The following NAALADL2 variants were observed in gnomAD, a reference collection of about 807,000 sequenced individuals.
NAALADL2 encodes the protein N-acetylated alpha-linked acidic dipeptidase like 2, also known as inactive N-acetylated-alpha-linked acidic dipeptidase-like protein 2.
A neutral mutation model predicts 87.2 loss-of-function variants in NAALADL2; 76 were observed. The ratio of observed to expected loss-of-function variants is 0.87; its 90% CI spans 0.72 to 1.05. NAALADL2 has a LOEUF of 1.05. NAALADL2 is among the 50% of genes least tolerant of loss of function. The pLI, the probability that NAALADL2 is intolerant of heterozygous loss-of-function variation, is 0.00. For missense variants in NAALADL2, 1,089 were observed against 945.8 expected (o/e 1.15, Z -1.99); for synonymous variants, 354 against 331.0 (o/e 1.07, Z -0.75).
intron 2 of NAALADL2, among the ~76,000 whole-genome samples, chr3:175,184,014 C>T (rs1470351712): frequency 6.6e-6 from 1 of 152,044 alleles, no homozygotes; most frequent in Non-Finnish European, 1.5e-5. Context: ...TCTGCCTTCA[C>T]ACTACGTTGC....
rs1745469723 is a variant in NAALADL2, at chr3:175,234,329, G to A, written c.819+125G>A. The A allele has an allele frequency of 9.9e-6, 10 of 1,008,156 alleles. No homozygotes were observed. In the South Asian group the frequency reaches 1.4e-4, roughly 14 times the overall value. 62.5% of individuals were successfully genotyped at this position (1,008,156 alleles called of 1,614,324 possible). On this transcript the variant is annotated intron_variant, in intron 3 of 13. Transcript: ENST00000454872. ...AGTAACCATTAAATCTTTTCAGTGT[G>A]GAAGTGCCAGGAAAGAGAAGGAAGA... is the stretch of plus-strand genomic sequence containing the variant.
At chr3:174,871,678 C>T (rs552599188) in intron 1 of NAALADL2, among the ~76,000 whole-genome samples, 1 of 152,260 alleles carries the variant, frequency 6.6e-6, no homozygotes, top group Non-Finnish European at 1.5e-5. Context: ...GTGGGTGGAT[C>T]ACCTCGGGTC....
At chr3:175,033,717 C>CACTGG (rs752584904) in intron 1 of NAALADL2, among the ~76,000 whole-genome samples, 44 of 152,264 alleles carry the variant, frequency 2.9e-4, no homozygotes, top group Admixed American at 5.2e-4. Context: ...AACCCCTAAA[C>CACTGG]ACTGGAATAT....
At chr3:175,013,443 C>T (rs1264082233) in intron 1 of NAALADL2, among the ~76,000 whole-genome samples, 1 of 148,826 alleles carries the variant, frequency 6.7e-6, no homozygotes, top group African/African-American at 2.5e-5. Context: ...GGATTACAGG[C>T]ATGCACCACC....
At chr3:175,551,837 G>T (rs1714428913) in intron 9 of NAALADL2, among the ~76,000 whole-genome samples, 1 of 150,614 alleles carries the variant, frequency 6.6e-6, no homozygotes. Flanking sequence ...GGCGGAGTTT[G>T]CTGTGAACCT....
chr3:175,379,421 G>C (rs548917536), intron 5 of NAALADL2, among the ~76,000 whole-genome samples: 2 of 151,892 alleles, frequency 1.3e-5, no homozygotes, highest in African/African-American at 4.8e-5. Context: ...AGTGTTTCTG[G>C]GTGGAAAGCT....
intron 1 of NAALADL2, among the ~76,000 whole-genome samples, chr3:175,033,267 A>T (rs1251040783): frequency 1.3e-5 from 2 of 151,938 alleles, no homozygotes; most frequent in African/African-American, 4.8e-5. Flanking sequence ...TTTAGAAAGA[A>T]CTTTTTTGCC....
At chr3:175,595,272 G>A (rs769394572) in intron 10 of NAALADL2, among the ~76,000 whole-genome samples, 1 of 152,002 alleles carries the variant, frequency 6.6e-6, no homozygotes, top group Non-Finnish European at 1.5e-5. Flanking sequence ...TCCATTGCTT[G>A]TTTTTGTTGG....
chr3:175,103,053 G>A (rs564739112), intron 2 of NAALADL2, among the ~76,000 whole-genome samples: 1 of 145,686 alleles, frequency 6.9e-6, no homozygotes, highest in African/African-American at 2.6e-5. Flanking sequence ...AGGTTGCAGT[G>A]AGCCGAGATC....
intron 10 of NAALADL2, chr3:175,609,665 AC>A (rs778762401): frequency 1.4e-4 from 21 of 152,122 alleles, no homozygotes; most frequent in Non-Finnish European, 2.5e-4. Flanking sequence ...TTTATTCTCA[AC>A]CTTTTTTCTT....
At chr3:175,284,915 A>G (rs541768832) in intron 4 of NAALADL2, among the ~76,000 whole-genome samples, 2 of 152,150 alleles carry the variant, frequency 1.3e-5, no homozygotes, top group East Asian at 3.9e-4. Context: ...ATTGTAACAT[A>G]AAGTGCCCAG....
At position 174,501,280 on chromosome 3, in the gene NAALADL2, G is replaced by A. The variant is rs918006839; in HGVS notation, c.-183-49289G>A. ...TTTTTAGTAGAGACGGGGTTTCACC[G>A]TTTTAGCCGGGATGGTCTCGATCTC... is the stretch of plus-strand genomic sequence containing the variant. On this transcript the variant is annotated intron_variant, in intron 1 of 3. Transcript: ENST00000434257. Among the ~76,000 whole-genome samples, 7 of 143,876 alleles carry A rather than the reference G, an allele frequency of 4.9e-5. No homozygotes were observed. The East Asian group carries it at 9.8e-4, about 20-fold the overall frequency. 94.4% of individuals were successfully genotyped at this position (143,876 alleles called of 152,430 possible). A position where few individuals can be genotyped will look rare whatever the true frequency, so the allele number is the denominator to read the frequency against.
intron 2 of NAALADL2, among the ~76,000 whole-genome samples, chr3:175,171,301 A>G (rs141500014): frequency 2.6e-5 from 4 of 152,188 alleles, no homozygotes; most frequent in African/African-American, 9.6e-5. Context: ...AGAGGAAAGT[A>G]AGCAATTGGC....
At position 174,995,987 on chromosome 3, in the gene NAALADL2, A is replaced by T. The variant is rs78582564; in HGVS notation, c.44-100803A>T. ...TAAGGAGAGTCAGGAAATCAGGGAA[A>T]GAGGAACACAGGTAATGGAGTTGTT... is the stretch of plus-strand genomic sequence containing the variant. On this transcript the variant is annotated intron_variant, in intron 1 of 13. Coordinates refer to ENST00000454872, the MANE Select transcript of NAALADL2 (RefSeq NM_207015.3). Among the ~76,000 whole-genome samples, 283 of 152,308 alleles carry T rather than the reference A, an allele frequency of 1.9e-3. 3 individuals are homozygous for T. The highest frequency in any genetic ancestry group is 6.4e-3 in the African/African-American group (265 of 41,582).
At chr3:174,563,696 A>G (rs1479203046) in intron 2 of NAALADL2, among the ~76,000 whole-genome samples, 1 of 152,068 alleles carries the variant, frequency 6.6e-6, no homozygotes, top group Non-Finnish European at 1.5e-5. Context: ...ATGTGTTTTT[A>G]AAATGTATGT....
intron 10 of NAALADL2, among the ~76,000 whole-genome samples, chr3:175,590,388 A>T (rs1721256778): frequency 6.6e-6 from 1 of 151,398 alleles, no homozygotes; most frequent in African/African-American, 2.4e-5. Flanking sequence ...TGTATCTGGA[A>T]ATAAATATAG....
At chr3:175,144,494 A>G (rs1730478334) in intron 2 of NAALADL2, among the ~76,000 whole-genome samples, 1 of 151,962 alleles carries the variant, frequency 6.6e-6, no homozygotes, top group African/African-American at 2.4e-5. Flanking sequence ...CTAAAGTGTA[A>G]AACACTTTAT....
intron 5 of NAALADL2, among the ~76,000 whole-genome samples, chr3:175,426,317 T>A (rs887977395): frequency 6.6e-6 from 1 of 152,088 alleles, no homozygotes; most frequent in East Asian, 1.9e-4. Flanking sequence ...GAGCCACAAT[T>A]TGGCCACTGC....
chr3:175,314,692 A>ATGTATATATAGTTCTAAC (rs1758873507), intron 4 of NAALADL2, among the ~76,000 whole-genome samples: 1 of 68,338 alleles, frequency 1.5e-5, no homozygotes, highest in Non-Finnish European at 2.8e-5. Flanking sequence ...ATATATATAT[A>ATGTATATATAGTTCTAAC]TATATATATA....
Sources: gnomAD v4.1 joint callset for allele counts (sites outside exome capture counted in the v4.1 genomes callset) on GRCh38, gnomAD v4.1.1 for gene constraint, MANE v1.5 for transcripts, NCBI Gene and HGNC (gene_info 2026-07-23, HGNC 2026-07-21) for gene names.